Variants in ANKS1B observed in about 807,000 individuals in gnomAD.
The protein encoded by ANKS1B is ankyrin repeat and sterile alpha motif domain-containing protein 1B.
ANKS1B carries 36 observed loss-of-function variants against 148.3 expected under a neutral mutation model. The ratio of observed to expected loss-of-function variants is 0.24; its 90% CI spans 0.19 to 0.32. The LOEUF (loss-of-function observed/expected upper bound fraction) is 0.32. Among genes scored for constraint, ANKS1B ranks in the 10% least tolerant of loss-of-function variants. The pLI is 1.00. For missense variants in ANKS1B, 1,157 were observed against 1,542.6 expected (o/e 0.75, Z 4.19); for synonymous variants, 542 against 560.8 (o/e 0.97, Z 0.47).
chr12:99,104,877 C>A (rs1272293760), intron 15 of ANKS1B: 1 of 152,236 alleles, frequency 6.6e-6, no homozygotes, highest in African/African-American at 2.4e-5. Flanking sequence ...ACAGAATCAC[C>A]TACTTATGTG....
intron 12 of ANKS1B, among the ~76,000 whole-genome samples, chr12:99,308,811 G>A (rs987405860): frequency 6.6e-6 from 1 of 150,992 alleles, no homozygotes; most frequent in Non-Finnish European, 1.5e-5. Flanking sequence ...TTCCACAAAT[G>A]TCTTTCACAC....
At chr12:99,877,997 G>A (rs1221002945) in intron 1 of ANKS1B, among the ~76,000 whole-genome samples, 2 of 152,120 alleles carry the variant, frequency 1.3e-5, no homozygotes, top group East Asian at 1.9e-4. Flanking sequence ...GAAGTGGAGG[G>A]TGCAATCAGA....
intron 12 of ANKS1B, among the ~76,000 whole-genome samples, chr12:99,277,158 T>C (rs773679266): frequency 6.6e-6 from 1 of 152,216 alleles, no homozygotes; most frequent in Non-Finnish European, 1.5e-5. Context: ...TGAGACGTGA[T>C]AGTCTCCAGG....
At chr12:98,824,169 T>C (rs780175813) in intron 19 of ANKS1B, among the ~76,000 whole-genome samples, 5 of 152,262 alleles carry the variant, frequency 3.3e-5, no homozygotes, top group Non-Finnish European at 5.9e-5. Flanking sequence ...TAACCTGAAT[T>C]GGTAGAGAAA....
chr12:99,834,191 G>A (rs1360519242), intron 1 of ANKS1B, among the ~76,000 whole-genome samples: 2 of 152,126 alleles, frequency 1.3e-5, no homozygotes, highest in Non-Finnish European at 2.9e-5. Context: ...TTTAGAAAGA[G>A]GGCCTAGATT....
At chr12:98,763,860 T>C (rs1416477610) in intron 25 of ANKS1B, among the ~76,000 whole-genome samples, 1 of 152,230 alleles carries the variant, frequency 6.6e-6, no homozygotes, top group African/African-American at 2.4e-5. Flanking sequence ...AGCGTTCCAC[T>C]GTATCTGCTG....
At chr12:98,742,676 A>G (rs575870572), downstream of ANKS1B, among the ~76,000 whole-genome samples, 24 of 152,240 alleles carry the variant, frequency 1.6e-4, no homozygotes, top group Non-Finnish European at 3.2e-4. Context: ...CAGAGTCACA[A>G]TATGCAGCAT....
At chr12:99,542,788 C>A (rs1189856590) in intron 9 of ANKS1B, among the ~76,000 whole-genome samples, 1 of 151,940 alleles carries the variant, frequency 6.6e-6, no homozygotes, top group African/African-American at 2.4e-5. Context: ...TATCCACATG[C>A]AAAAGAATGA....
chr12:99,635,758 T>A (rs2098228613), intron 9 of ANKS1B, among the ~76,000 whole-genome samples: 1 of 152,188 alleles, frequency 6.6e-6, no homozygotes, highest in Admixed American at 6.5e-5. Context: ...CTATGTTACG[T>A]GTATCTTCAC....
At chr12:99,400,796 T>G (rs1479566994) in intron 11 of ANKS1B, among the ~76,000 whole-genome samples, 2 of 145,382 alleles carry the variant, frequency 1.4e-5, no homozygotes, top group African/African-American at 5.2e-5. Flanking sequence ...TTCTCCAAAG[T>G]ACAATTAACT....
intron 9 of ANKS1B, among the ~76,000 whole-genome samples, chr12:99,521,484 C>T (rs1020532755): frequency 6.6e-6 from 1 of 152,090 alleles, no homozygotes; most frequent in Non-Finnish European, 1.5e-5. Context: ...AAGAGTTAGG[C>T]CTTTATTGTA....
chr12:99,869,013 C>T (rs898109668), intron 1 of ANKS1B, among the ~76,000 whole-genome samples: 7 of 151,886 alleles, frequency 4.6e-5, no homozygotes, highest in African/African-American at 1.2e-4. Flanking sequence ...GTGGAGATTG[C>T]GCCACTGCAA....
chr12:98,749,639 T>C (rs1242443502), intron 26 of ANKS1B, among the ~76,000 whole-genome samples: 2 of 151,974 alleles, frequency 1.3e-5, no homozygotes, highest in Non-Finnish European at 2.9e-5. Flanking sequence ...GGGGAGCAGG[T>C]GGCATAAAGG....
At chr12:99,024,641 A>T (rs2099947705) in intron 17 of ANKS1B, among the ~76,000 whole-genome samples, 2 of 152,140 alleles carry the variant, frequency 1.3e-5, no homozygotes, top group African/African-American at 4.8e-5. Flanking sequence ...TATATGTTTT[A>T]AATTTTCTGT....
intron 17 of ANKS1B, among the ~76,000 whole-genome samples, chr12:98,878,106 T>C (rs1468803441): frequency 6.6e-6 from 1 of 152,012 alleles, no homozygotes. Context: ...CATACTAAAA[T>C]GTAATCTGAA....
At chr12:99,683,365 G>T (rs1440460113) in intron 8 of ANKS1B, among the ~76,000 whole-genome samples, 1 of 151,998 alleles carries the variant, frequency 6.6e-6, no homozygotes, top group African/African-American at 2.4e-5. Context: ...TGCTCACAAA[G>T]TAGAAAAACC....
chr12:99,052,324 G>A (rs528577575), intron 17 of ANKS1B, among the ~76,000 whole-genome samples: 6 of 152,324 alleles, frequency 3.9e-5, no homozygotes, highest in South Asian at 4.1e-4. Flanking sequence ...CAGAGACAAC[G>A]TAAGATTAGA....
intron 24 of ANKS1B, 82 bp from the exon 25 acceptor site, chr12:98,773,261 A>C (rs1160945300): frequency 6.8e-7 from 1 of 1,479,382 alleles, no homozygotes; most frequent in Non-Finnish European, 9.0e-7. Context: ...CCCAGGAAGC[A>C]GTTGCTTTCC....
intron 9 of ANKS1B, among the ~76,000 whole-genome samples, chr12:99,561,601 A>G (rs2097336519): frequency 6.6e-6 from 1 of 152,128 alleles, no homozygotes; most frequent in South Asian, 2.1e-4. Context: ...TTTTGTCTCA[A>G]GAAACCACTT....
Sources: allele counts gnomAD v4.1 joint callset (sites outside exome capture counted in the v4.1 genomes callset), GRCh38; gene constraint gnomAD v4.1.1; transcripts MANE v1.5; gene names NCBI Gene and HGNC (gene_info 2026-07-23, HGNC 2026-07-21).